Variants in CLNK observed in about 807,000 individuals in gnomAD.
CLNK encodes cytokine dependent hematopoietic cell linker.
In CLNK, 74 loss-of-function variants were observed where a neutral mutation model predicts 68.6. The ratio of observed to expected loss-of-function variants is 1.08; its 90% confidence interval spans 0.89 to 1.31. The LOEUF is 1.31. Ranked by LOEUF, CLNK falls within the 50% of genes most tolerant of loss-of-function variation. CLNK has a pLI of 0.00. For missense variants in CLNK, 553 were observed against 515.3 expected (o/e 1.07, Z -0.71); for synonymous variants, 198 against 172.2 (o/e 1.15, Z -1.17).
At chr4:10,573,185 A>C (rs1380794654) in intron 4 of CLNK, among the ~76,000 whole-genome samples, 4 of 152,220 alleles carry the variant, frequency 2.6e-5, no homozygotes, top group African/African-American at 9.6e-5. Flanking sequence ...TTACCAAAAT[A>C]TGAAATAAAG....
At position 10,488,860 on chromosome 4, in the gene CLNK, G is replaced by T. The variant is rs138900887; in HGVS notation, c.*1607C>A. 2 of 151,934 alleles carry T rather than the reference G, an allele frequency of 1.3e-5. No individual in the cohort carries two copies. The highest frequency in any genetic ancestry group is 2.4e-5 in the African/African-American group (1 of 41,362). 9.4% of individuals were successfully genotyped at this position (151,934 alleles called of 1,614,324 possible). A position where few individuals can be genotyped will look rare whatever the true frequency, so the allele number is the denominator to read the frequency against. ...CTTCTATTGCCTTTTAATTATTTTT[G>T]GTTTTCTTTCTGCATCAATGCTACA... On this transcript the variant is annotated 3_prime_UTR_variant, in exon 19 of 19. Coordinates refer to ENST00000226951, the MANE Select transcript of CLNK (RefSeq NM_052964.4).
chr4:10,711,404 T>C, the CLNK span, among the ~76,000 whole-genome samples: 1 of 152,176 alleles, frequency 6.6e-6, no homozygotes, highest in Non-Finnish European at 1.5e-5. Flanking sequence ...TCACAGAACA[T>C]TCTCTTCCAA....
At chr4:10,609,894 C>G (rs1721941316) in intron 2 of CLNK, among the ~76,000 whole-genome samples, 1 of 152,136 alleles carries the variant, frequency 6.6e-6, no homozygotes, top group South Asian at 2.1e-4. Flanking sequence ...TCCAAGCTAA[C>G]CAGATGCTGA....
chr4:10,700,014 G>GTT, the CLNK span, among the ~76,000 whole-genome samples: 5 of 151,614 alleles, frequency 3.3e-5, no homozygotes, highest in Admixed American at 2.0e-4. Context: ...ATGTGTGTGT[G>GTT]TGTGTGTGTG....
intron 13 of CLNK, 52 bp downstream of exon 13, chr4:10,528,024 G>A: frequency 9.5e-7 from 1 of 1,051,632 alleles, no homozygotes; most frequent in Non-Finnish European, 1.3e-6. Flanking sequence ...GATCTAGAAA[G>A]AGAACCTAGT....
chr4:10,660,645 G>A (rs957426602), intron 2 of CLNK, among the ~76,000 whole-genome samples: 33 of 152,276 alleles, frequency 2.2e-4, no homozygotes, highest in Non-Finnish European at 2.5e-4. Context: ...ATTTTGTTCA[G>A]CTGGAAGTTT....
chr4:10,702,933 T>C, the CLNK span, among the ~76,000 whole-genome samples: 1 of 152,076 alleles, frequency 6.6e-6, no homozygotes, highest in Non-Finnish European at 1.5e-5. Flanking sequence ...GCCAGCACCT[T>C]AGAAACGGCC....
intron 14 of CLNK, among the ~76,000 whole-genome samples, chr4:10,523,095 C>T (rs1718147404): frequency 6.6e-6 from 1 of 152,110 alleles, no homozygotes; most frequent in South Asian, 2.1e-4. Context: ...ATGCAAGGAG[C>T]TAGTCAAATG....
At chr4:10,517,875 C>G (rs1717900648) in intron 15 of CLNK, among the ~76,000 whole-genome samples, 1 of 152,098 alleles carries the variant, frequency 6.6e-6, no homozygotes, top group African/African-American at 2.4e-5. Context: ...ACAAGTTTGC[C>G]AAGTAAATTT....
intron 2 of CLNK, among the ~76,000 whole-genome samples, chr4:10,663,160 C>A (rs1379180597): frequency 6.6e-6 from 1 of 152,214 alleles, no homozygotes. Context: ...CCCCAAGATG[C>A]CCTTATCTAG....
chr4:10,646,798 A>G (rs6820441), intron 2 of CLNK, among the ~76,000 whole-genome samples: 50,033 of 151,934 alleles, frequency 0.33, 8,503 homozygotes, highest in African/African-American at 0.41. Context: ...TTAACTATTC[A>G]TTATCCCTTA....
intron 2 of CLNK, among the ~76,000 whole-genome samples, chr4:10,641,010 G>A (rs1286394577): frequency 6.6e-6 from 1 of 152,022 alleles, no homozygotes; most frequent in East Asian, 1.9e-4. Context: ...AGCATGTCAG[G>A]GCTATTTTTC....
Position 10,570,095 on chromosome 4 carries a change from G to A in CLNK, c.150+1646C>T, listed in dbSNP as rs982312010. ...CCCAGTGAGCTCTCAGCTGGAGCTC[G>A]GGCAGGAGAATCCTTTGGGGATTTG... On this transcript the variant is annotated intron_variant, in intron 5 of 18. Transcript: ENST00000226951. 5.3e-5 allele frequency among the ~76,000 whole-genome samples: 8 copies of A among 152,202 alleles called. No homozygotes were observed. The East Asian group carries it at 5.8e-4, about 11-fold the overall frequency.
chr4:10,717,310 C>A, the CLNK span, among the ~76,000 whole-genome samples: 1 of 152,272 alleles, frequency 6.6e-6, no homozygotes, highest in East Asian at 1.9e-4. Flanking sequence ...GAGTAAAAAG[C>A]CGTGGCCGGG....
intron 1 of CLNK, among the ~76,000 whole-genome samples, chr4:10,669,874 T>C (rs1246104056): frequency 1.3e-5 from 2 of 152,140 alleles, no homozygotes. Context: ...GTCTAGTCCA[T>C]GGTCTCATTT....
the CLNK span, among the ~76,000 whole-genome samples, chr4:10,706,717 C>T: frequency 1.3e-5 from 2 of 152,130 alleles, no homozygotes; most frequent in African/African-American, 4.8e-5. Context: ...CTCCTTTGTG[C>T]AGGTAAAGTG....
chr4:10,520,203 A>C (rs1411810126), intron 15 of CLNK, among the ~76,000 whole-genome samples: 3 of 152,090 alleles, frequency 2.0e-5, no homozygotes, highest in Non-Finnish European at 4.4e-5. Flanking sequence ...CAGTCATAGA[A>C]CTCTGTATTT....
At chr4:10,678,723 A>G (rs537840208) in intron 1 of CLNK, among the ~76,000 whole-genome samples, 127 of 152,288 alleles carry the variant, frequency 8.3e-4, no homozygotes, top group African/African-American at 2.9e-3. Flanking sequence ...GCATTCTTAT[A>G]CACCAATAAC....
intron 2 of CLNK, among the ~76,000 whole-genome samples, chr4:10,602,499 T>C (rs1416381979): frequency 1.3e-5 from 2 of 151,974 alleles, no homozygotes; most frequent in Admixed American, 1.3e-4. Context: ...GAGATTGGAG[T>C]GATGTTGTCA....
Sources: gnomAD v4.1 joint callset for allele counts (sites outside exome capture counted in the v4.1 genomes callset) on GRCh38, gnomAD v4.1.1 for gene constraint, MANE v1.5 for transcripts, NCBI Gene and HGNC (gene_info 2026-07-23, HGNC 2026-07-21) for gene names.